CHPT1: variants seen among roughly 807,000 people sequenced by gnomAD.
CHPT1 encodes the protein cholinephosphotransferase 1.
Under a neutral mutation model 47.6 loss-of-function variants are expected in CHPT1, and 36 were observed. The ratio of observed to expected loss-of-function variants is 0.76; its 90% CI spans 0.58 to 1.00. CHPT1 has a LOEUF of 1.00. CHPT1 is among the 50% of genes least tolerant of loss of function. The pLI is 0.00. For synonymous variants in CHPT1, 194 were observed against 186.3 expected, an observed-to-expected ratio of 1.04 and a Z score of -0.33; for missense variants, 458 against 498.1, an observed-to-expected ratio of 0.92 and a Z score of 0.77.
chr12:101,699,398 T>TG (rs1951517686), intron 1 of CHPT1, among the ~76,000 whole-genome samples: 1 of 150,538 alleles, frequency 6.6e-6, no homozygotes, highest in Non-Finnish European at 1.5e-5. Flanking sequence ...TTTCTTTTTT[T>TG]TTTTTTTGAG....
intron 5 of CHPT1, among the ~76,000 whole-genome samples, chr12:101,722,377 G>C (rs1221056068): frequency 6.6e-6 from 1 of 151,960 alleles, no homozygotes; most frequent in Non-Finnish European, 1.5e-5. Context: ...ATTTAAATTG[G>C]TTATAGATTT....
chr12:101,702,387 T>G (rs1951566460), intron 1 of CHPT1, among the ~76,000 whole-genome samples: 1 of 152,330 alleles, frequency 6.6e-6, no homozygotes, highest in East Asian at 1.9e-4. Flanking sequence ...GGGCATTAAT[T>G]AATGCATTTC....
intron 3 of CHPT1, among the ~76,000 whole-genome samples, chr12:101,716,136 G>A (rs1292859401): frequency 6.6e-6 from 1 of 152,108 alleles, no homozygotes; most frequent in Non-Finnish European, 1.5e-5. Context: ...AGGAGAGAGA[G>A]TGACAGCTTC....
In CHPT1 at chr12:101,706,458, A is replaced by G. The variant is rs141357961; in HGVS notation, c.274-7632A>G. ...CATACAAATGACATCACATCGATCT[A>G]GAGCTGAAACATACCTCAGAAACTA... On this transcript the variant is annotated intron_variant, in intron 1 of 8. Transcript: ENST00000229266. Among the ~76,000 whole-genome samples, 526 of 152,350 alleles carry G rather than the reference A, an allele frequency of 3.5e-3. 3 individuals carry two copies. The highest frequency in any genetic ancestry group is 0.012 in the African/African-American group (504 of 41,582).
chr12:101,706,628 G>T (rs188484219), intron 1 of CHPT1, among the ~76,000 whole-genome samples: 1 of 152,232 alleles, frequency 6.6e-6, no homozygotes, highest in African/African-American at 2.4e-5. Context: ...ATGCTCTTGG[G>T]CTTCCCAGGC....
Position 101,728,885 on chromosome 12 carries a change from G to GT in CHPT1, c.1177-15dup. On this transcript the variant is annotated splice_polypyrimidine_tract_variant and intron_variant, in intron 8 of 8. Coordinates refer to ENST00000229266, the MANE Select transcript of CHPT1 (RefSeq NM_020244.3). ...ATGCTTCTTAGCTAACGTTATAATT[G>GT]TATCATATTACTTAGGTTCAAGTTC... 1 of 1,612,524 alleles carries GT rather than the reference G, an allele frequency of 6.2e-7. No homozygotes were observed. The highest frequency in any genetic ancestry group is 8.5e-7 in the Non-Finnish European group (1 of 1,179,094).
chr12:101,721,503 C>T (rs936780715), intron 5 of CHPT1, among the ~76,000 whole-genome samples: 1 of 152,038 alleles, frequency 6.6e-6, no homozygotes, highest in African/African-American at 2.4e-5. Context: ...CAAAGGGATC[C>T]TCATAATTGA....
intron 1 of CHPT1, among the ~76,000 whole-genome samples, chr12:101,704,404 C>CTTTTTTTT (rs762770896): frequency 7.1e-6 from 1 of 140,090 alleles, no homozygotes; most frequent in Non-Finnish European, 1.5e-5. Flanking sequence ...TGCTATTTTT[C>CTTTTTTTT]TTTTTTTTTT....
At chr12:101,707,976 C>T (rs61935725) in intron 1 of CHPT1, among the ~76,000 whole-genome samples, 19,512 of 152,120 alleles carry the variant, frequency 0.13, 1,279 homozygotes, top group Middle Eastern at 0.21. Flanking sequence ...TGCAGTTCAC[C>T]TCTGGATGTT....
chr12:101,720,121 A>G lies in CHPT1; in HGVS notation c.649-2A>G. On this transcript the variant is annotated splice_acceptor_variant, in intron 4 of 8. Coordinates refer to ENST00000229266, the MANE Select transcript of CHPT1 (RefSeq NM_020244.3). LOFTEE classifies it high-confidence loss of function. ...AATTGTTTCTTTCTTCTACCCCTAA[A>G]GATTCCTATTCTAGAAATAAAATTG... 1 of 1,581,734 alleles carries G rather than the reference A, an allele frequency of 6.3e-7. No homozygotes were observed. Among genetic ancestry groups the G allele is most frequent in the South Asian group, 1.2e-5 (1 of 85,568 alleles).
intron 1 of CHPT1, among the ~76,000 whole-genome samples, chr12:101,707,775 C>T (rs1026101612): frequency 6.6e-6 from 1 of 152,118 alleles, no homozygotes; most frequent in African/African-American, 2.4e-5. Flanking sequence ...GATGAAGGTA[C>T]TAGTGCTGTT....
At chr12:101,704,524 C>T (rs1594124656) in intron 1 of CHPT1, among the ~76,000 whole-genome samples, 1 of 151,348 alleles carries the variant, frequency 6.6e-6, no homozygotes, top group East Asian at 1.9e-4. Flanking sequence ...GCCTCAGCCT[C>T]CCAAGCAGCT....
rs991044473 is a variant in CHPT1, at chr12:101,723,929, A to G, written c.1065+82A>G. 28 of 1,062,408 alleles carry G rather than the reference A, an allele frequency of 2.6e-5. No individual in the cohort carries two copies. The East Asian group carries it at 6.8e-4, about 26-fold the overall frequency. The allele number at this position is 1,062,408 out of a possible 1,614,324, so 65.8% of individuals were successfully genotyped here. On this transcript the variant is annotated intron_variant, in intron 7 of 8. Transcript: ENST00000229266. ...TGAGCTATCAGTAGCCTCAAGATCT[A>G]GTCTAGGCCAGGCGTGGTGACTCAC...
intron 1 of CHPT1, among the ~76,000 whole-genome samples, chr12:101,699,891 G>C (rs1951527411): frequency 6.6e-6 from 1 of 152,184 alleles, no homozygotes; most frequent in Non-Finnish European, 1.5e-5. Context: ...TTCCACCACA[G>C]ACCTGCTGGG....
Position 101,720,273 on chromosome 12 carries a change from C to T in CHPT1, c.780+19C>T. The T allele has an allele frequency of 6.4e-7, 1 of 1,573,556 alleles. No individual in the cohort carries two copies. The highest frequency in any genetic ancestry group is 8.6e-7 in the Non-Finnish European group (1 of 1,160,066). On this transcript the variant is annotated intron_variant, in intron 5 of 8. Coordinates refer to ENST00000229266, the MANE Select transcript of CHPT1 (RefSeq NM_020244.3). ...TATAGCAGTAAGGCAATAATTTCATCATTCAGTGTCAATTTTATGATACAT... is the reference window on the plus strand; with the variant it reads ...TATAGCAGTAAGGCAATAATTTCATTATTCAGTGTCAATTTTATGATACAT...
chr12:101,711,430 A>AAAT (rs1310981010), intron 1 of CHPT1, among the ~76,000 whole-genome samples: 2 of 148,542 alleles, frequency 1.3e-5, no homozygotes, highest in African/African-American at 4.9e-5. Flanking sequence ...CCAGACACAG[A>AAAT]AAGAGAAATA....
rs1248755514 is a variant in CHPT1 at position 101,723,938 on chromosome 12, C to T, written c.1065+91C>T. The stretch of plus-strand genomic sequence containing the variant: ...AGTAGCCTCAAGATCTAGTCTAGGC[C>T]AGGCGTGGTGACTCACGCCTGTAAT... On this transcript the variant is annotated intron_variant, in intron 7 of 8. Coordinates refer to ENST00000229266, the MANE Select transcript of CHPT1 (RefSeq NM_020244.3). The T allele has an allele frequency of 1.0e-5, 10 of 980,218 alleles. No individual in the cohort carries two copies. In the African/African-American group the frequency reaches 1.7e-4, roughly 17 times the overall value. 60.7% of individuals were successfully genotyped at this position (980,218 alleles called of 1,614,324 possible). A position where few individuals can be genotyped will look rare whatever the true frequency, so the allele number is the denominator to read the frequency against.
intron 1 of CHPT1, among the ~76,000 whole-genome samples, chr12:101,704,408 T>C (rs1408817342): frequency 6.6e-6 from 1 of 151,302 alleles, no homozygotes; most frequent in Non-Finnish European, 1.5e-5. Context: ...ATTTTTCTTT[T>C]TTTTTTTTTT....
At position 101,697,821 on chromosome 12, in the gene CHPT1, C is replaced by A; in HGVS notation, c.-41C>A. 1 of 823,318 alleles carries A rather than the reference C, an allele frequency of 1.2e-6. No homozygotes were observed. Among genetic ancestry groups the A allele is most frequent in the Non-Finnish European group, 1.5e-6 (1 of 671,010 alleles). 51.0% of individuals were successfully genotyped at this position (823,318 alleles called of 1,614,324 possible). The stretch of plus-strand genomic sequence containing the variant: ...CTCTCCCTGCCCCCAGCGCCAGGCG[C>A]GGGCTGCGCTCGGTGGCGGCGGCGG... On this transcript the variant is annotated 5_prime_UTR_variant, in exon 1 of 9. Transcript: ENST00000229266.
Sources: gnomAD v4.1 joint callset for allele counts (sites outside exome capture counted in the v4.1 genomes callset) on GRCh38, gnomAD v4.1.1 for gene constraint, MANE v1.5 for transcripts, NCBI Gene and HGNC (gene_info 2026-07-23, HGNC 2026-07-21) for gene names.